The following ZDHHC14 variants were observed in gnomAD, a reference collection of about 807,000 sequenced individuals.
ZDHHC14 encodes zDHHC palmitoyltransferase 14, also known as palmitoyltransferase ZDHHC14.
ZDHHC14 carries 16 observed loss-of-function variants against 47.7 expected under a neutral mutation model. That is an observed-to-expected ratio of 0.34 (90% CI 0.23 to 0.51). ZDHHC14 has a LOEUF of 0.51. Ranked by LOEUF, ZDHHC14 falls within the 20% of genes least tolerant of loss-of-function variation. ZDHHC14 has a pLI of 0.97. For missense variants in ZDHHC14, 515 were observed against 662.5 expected, an observed-to-expected ratio of 0.78 and a Z score of 2.44; for synonymous variants, 293 against 278.9, an observed-to-expected ratio of 1.05 and a Z score of -0.50.
chr6:157,477,908 G>A (rs1779531003), intron 1 of ZDHHC14, among the ~76,000 whole-genome samples: 1 of 152,148 alleles, frequency 6.6e-6, no homozygotes, highest in Non-Finnish European at 1.5e-5. Context: ...TCATACTGTT[G>A]TATGAACGAC....
chr6:157,421,385 G>A (rs1196572687), intron 1 of ZDHHC14, among the ~76,000 whole-genome samples: 12 of 150,712 alleles, frequency 8.0e-5, no homozygotes, highest in Admixed American at 6.6e-5. Flanking sequence ...CCAGCTATTC[G>A]GAGGGGCTGA....
chr6:157,540,370 A>C (rs570437691), intron 1 of ZDHHC14, among the ~76,000 whole-genome samples: 4 of 152,346 alleles, frequency 2.6e-5, no homozygotes, highest in Admixed American at 1.3e-4. Context: ...TAAGAGCAAG[A>C]GGCAGCCTTT....
chr6:157,661,938 C>T (rs1390914588), intron 8 of ZDHHC14, among the ~76,000 whole-genome samples: 4 of 152,074 alleles, frequency 2.6e-5, no homozygotes. Flanking sequence ...ATTCTCCTGC[C>T]TCAGCCTCCC....
chr6:157,540,910 G>GTGTGTATATATATATATATA (rs1284429244), intron 1 of ZDHHC14, among the ~76,000 whole-genome samples: 92 of 122,962 alleles, frequency 7.5e-4, no homozygotes, highest in African/African-American at 3.9e-3. Context: ...GTGTGTGTGT[G>GTGTGTATATATATATATATA]TATATATATA....
intron 1 of ZDHHC14, among the ~76,000 whole-genome samples, chr6:157,487,472 C>G (rs767133654): frequency 2.6e-5 from 4 of 152,230 alleles, no homozygotes; most frequent in Non-Finnish European, 5.9e-5. Flanking sequence ...GTAGTAGTTA[C>G]TAAACCTTCA....
rs1302794666 is a variant in ZDHHC14 at position 157,420,388 on chromosome 6, G to A, written c.245+38122G>A. Among the ~76,000 whole-genome samples the A allele has an allele frequency of 2.6e-5, 4 of 151,736 alleles. No homozygotes were observed. The East Asian group carries it at 5.8e-4, about 22-fold the overall frequency. Reference sequence around the variant, plus strand: ...AGGAGAGAAGGTATAGGCATTGAAGGGGTGGGCTGAATCAAGGCACTGATG... The same window carrying A: ...AGGAGAGAAGGTATAGGCATTGAAGAGGTGGGCTGAATCAAGGCACTGATG... On this transcript the variant is annotated intron_variant, in intron 1 of 8. Transcript: ENST00000359775.
At position 157,405,479 on chromosome 6, in the gene ZDHHC14, G is replaced by A. The variant is rs530321989; in HGVS notation, c.245+23213G>A. Among the ~76,000 whole-genome samples the A allele has an allele frequency of 8.6e-5, 13 of 151,772 alleles. No individual in the cohort carries two copies. In the East Asian group the frequency reaches 1.2e-3, roughly 14 times the overall value. ...GATCTCCTGACCTCGTGATCCACCC[G>A]CCTTGGCCTCCCAAAGTGCTGGGAT... On this transcript the variant is annotated intron_variant, in intron 1 of 8. Transcript: ENST00000359775.
intron 2 of ZDHHC14, among the ~76,000 whole-genome samples, chr6:157,545,431 C>T (rs1449064226): frequency 2.0e-5 from 3 of 151,682 alleles, no homozygotes; most frequent in African/African-American, 7.3e-5. Context: ...AATCCCAGCA[C>T]TTTGGGAGGC....
At position 157,463,706 on chromosome 6, in the gene ZDHHC14, G is replaced by A. The variant is rs564677403; in HGVS notation, c.246-78879G>A. 3.9e-5 allele frequency among the ~76,000 whole-genome samples: 6 copies of A among 152,232 alleles called. No individual in the cohort carries two copies. In the South Asian group the frequency reaches 6.2e-4, roughly 16 times the overall value. ...TGGCACTTCGTCCCAATGTCTCCCC[G>A]CTTTACCTTTCATTAGTCAGATCTG... is the stretch of plus-strand genomic sequence containing the variant. On this transcript the variant is annotated intron_variant, in intron 1 of 8. Coordinates refer to ENST00000359775, the MANE Select transcript of ZDHHC14 (RefSeq NM_024630.3). The surrounding 1 kb of genome is among the most constrained non-coding windows in gnomAD (Gnocchi z 4.4).
At chr6:157,384,675 T>C (rs978272755) in intron 1 of ZDHHC14, among the ~76,000 whole-genome samples, 3 of 152,278 alleles carry the variant, frequency 2.0e-5, no homozygotes. Flanking sequence ...CAGAATATTA[T>C]GGTTTAGCTG....
intron 1 of ZDHHC14, among the ~76,000 whole-genome samples, chr6:157,519,053 A>C (rs1780813421): frequency 6.6e-6 from 1 of 152,198 alleles, no homozygotes; most frequent in African/African-American, 2.4e-5. Flanking sequence ...CAGCGTTATG[A>C]GGGCTGGCTC....
At position 157,433,424 on chromosome 6, in the gene ZDHHC14, TAAAG is replaced by T. The variant is rs1039493283; in HGVS notation, c.245+51166_245+51169del. Among the ~76,000 whole-genome samples the T allele has an allele frequency of 2.6e-3, 390 of 152,206 alleles. 11 individuals carry two copies. The highest frequency in any genetic ancestry group is 2.5e-4 in the Non-Finnish European group (17 of 67,998). ...TGGAAACTCATAGGTATTCACTAAA[TAAAG>T]AAAGAAAAAGATTACAAAAGTAGTG... On this transcript the variant is annotated intron_variant, in intron 1 of 8. Coordinates refer to ENST00000359775, the MANE Select transcript of ZDHHC14 (RefSeq NM_024630.3).
At chr6:157,545,342 C>T (rs1371991072) in intron 2 of ZDHHC14, among the ~76,000 whole-genome samples, 1 of 151,812 alleles carries the variant, frequency 6.6e-6, no homozygotes, top group Non-Finnish European at 1.5e-5. Context: ...ATGGTGACTG[C>T]TGTGGTACAT....
chr6:157,585,772 T>C (rs17544218), intron 2 of ZDHHC14, among the ~76,000 whole-genome samples: 97,653 of 152,144 alleles, frequency 0.64, 32,405 homozygotes, highest in African/African-American at 0.82. Flanking sequence ...TTGGGGGTGC[T>C]ACCTGGCCAT....
chr6:157,463,518 G>T lies in ZDHHC14; in HGVS notation c.246-79067G>T, dbSNP rs1779142949. On this transcript the variant is annotated intron_variant, in intron 1 of 8. Transcript: ENST00000359775. This position sits in a 1 kb window ranked among gnomAD's most constrained non-coding sequence, Gnocchi z 4.4. ...ATCACCCCCAACTCTTCACCAGAGG[G>T]GTTGACAGTGACTGAGCCTACAGGA... is the stretch of plus-strand genomic sequence containing the variant. Among the ~76,000 whole-genome samples the T allele has an allele frequency of 6.6e-6, 1 of 152,140 alleles. No homozygotes were observed. Among genetic ancestry groups the T allele is most frequent in the Non-Finnish European group, 1.5e-5 (1 of 68,034 alleles).
At chr6:157,476,353 C>T (rs1779483255) in intron 1 of ZDHHC14, among the ~76,000 whole-genome samples, 1 of 152,128 alleles carries the variant, frequency 6.6e-6, no homozygotes, top group Non-Finnish European at 1.5e-5. Context: ...TCAAGACAAT[C>T]ATGAAGACTT....
chr6:157,517,960 G>A (rs764371678), intron 1 of ZDHHC14, among the ~76,000 whole-genome samples: 10 of 152,188 alleles, frequency 6.6e-5, no homozygotes, highest in African/African-American at 1.7e-4. Flanking sequence ...ACTGAGAAAG[G>A]GTCAGTTGTA....
At chr6:157,596,826 T>A (rs1054059023) in intron 3 of ZDHHC14, among the ~76,000 whole-genome samples, 1 of 152,220 alleles carries the variant, frequency 6.6e-6, no homozygotes. Flanking sequence ...CGCGTGGCTC[T>A]GGCCATTGAT....
intron 1 of ZDHHC14, among the ~76,000 whole-genome samples, chr6:157,539,218 T>C (rs375781591): frequency 6.6e-6 from 1 of 151,890 alleles, no homozygotes; most frequent in South Asian, 2.1e-4. Context: ...GAGACCAGCC[T>C]GGGCAACAAA....
Sources: gnomAD v4.1 joint callset for allele counts (sites outside exome capture counted in the v4.1 genomes callset) on GRCh38, gnomAD v4.1.1 for gene constraint, Gnocchi (gnomAD v3.1) non-coding constraint, MANE v1.5 for transcripts, NCBI Gene and HGNC (gene_info 2026-07-23, HGNC 2026-07-21) for gene names.